The following FAP variants were observed in gnomAD, a reference collection of about 807,000 sequenced individuals.
FAP encodes the protein fibroblast activation protein alpha.
Under a neutral mutation model 126.5 loss-of-function variants are expected in FAP, and 110 were observed. The ratio of observed to expected loss-of-function variants is 0.87; its 90% CI spans 0.74 to 1.02. The LOEUF (loss-of-function observed/expected upper bound fraction) is 1.02. Ranked by LOEUF, FAP falls within the 50% of genes least tolerant of loss-of-function variation. The pLI, the probability that FAP is intolerant of heterozygous loss-of-function variation, is 0.00. For synonymous variants in FAP, 334 were observed against 297.3 expected, an observed-to-expected ratio of 1.12 and a Z score of -1.27; for missense variants, 919 against 909.2, an observed-to-expected ratio of 1.01 and a Z score of -0.14.
Position 162,170,803 on chromosome 2 carries a change from A to G in FAP, c.*176T>C. ...CTTTCACAGAGTACCAGAAAATGTA[A>G]ACAATATTTAGCTTGAACTTCTGAG... On this transcript the variant is annotated 3_prime_UTR_variant, in exon 26 of 26. Transcript: ENST00000188790. 1.8e-6 allele frequency: 1 copy of G among 555,534 alleles called. No individual in the cohort carries two copies. The highest frequency in any genetic ancestry group is 1.9e-5 in the African/African-American group (1 of 53,234). 34.4% of individuals were successfully genotyped at this position (555,534 alleles called of 1,614,324 possible).
rs2106266807 is a variant in FAP at position 162,213,963 on chromosome 2, T to A, written c.977A>T (p.Asp326Val). 1 of 1,613,712 alleles carries A rather than the reference T, an allele frequency of 6.2e-7. No homozygotes were observed. The highest frequency in any genetic ancestry group is 1.3e-5 in the African/African-American group (1 of 75,024). Residue 326 changes from aspartate to valine, a missense_variant, in exon 11 of 26, where the codon GAC becomes GTC. Asp to Val is a radical substitution (Grantham distance 152). Transcript: ENST00000188790. ...SVLSICDFRE[D>V]WQTWDCPKTQ... ...CTTTGGACAATCCCATGTCTGCCAG[T>A]CTTCCCTGAAGTCACATATAGACAG...
At position 162,182,113 on chromosome 2, in the gene FAP, G is replaced by C. The variant is rs115330046; in HGVS notation, c.1869+1301C>G. Among the ~76,000 whole-genome samples the C allele has an allele frequency of 1.8e-3, 274 of 152,206 alleles. 1 individual carries two copies. The highest frequency in any genetic ancestry group is 6.1e-3 in the African/African-American group (254 of 41,530). On this transcript the variant is annotated intron_variant, in intron 21 of 25. Transcript: ENST00000188790. ...AGAATCTATTATTGAAGAATTTCAG[G>C]CTGATAGGGATGTATTTTTGGGTGA...
At chr2:162,216,081 T>C (rs1689151357) in intron 9 of FAP, 80 bp from the exon 10 acceptor site, 3 of 1,005,710 alleles carry the variant, frequency 3.0e-6, no homozygotes, top group African/African-American at 3.2e-5. Flanking sequence ...GGAATTTAGA[T>C]ATATTTTTCT....
chr2:162,223,314 A>G (rs1180906398), intron 6 of FAP, among the ~76,000 whole-genome samples: 1 of 152,026 alleles, frequency 6.6e-6, no homozygotes, highest in Non-Finnish European at 1.5e-5. Context: ...GTGCTTTCCT[A>G]TATATGTTTT....
At chr2:162,243,080 T>A (rs1690419633) in intron 1 of FAP, 88 bp from the exon 2 acceptor site, 3 of 1,065,390 alleles carry the variant, frequency 2.8e-6, no homozygotes, top group Non-Finnish European at 4.2e-6. Flanking sequence ...AAATCCTTTT[T>A]CTCTCGCCCC....
At chr2:162,232,046 T>G (rs1689921845) in intron 2 of FAP, among the ~76,000 whole-genome samples, 1 of 152,140 alleles carries the variant, frequency 6.6e-6, no homozygotes, top group Non-Finnish European at 1.5e-5. Context: ...CCGGGTTTTG[T>G]TTGTTTCCGG....
At chr2:162,200,734 A>G in intron 14 of FAP, 115 bp from the exon 15 acceptor site, 2 of 538,980 alleles carry the variant, frequency 3.7e-6, no homozygotes, top group Admixed American at 3.8e-5. Context: ...GAAACAATTA[A>G]TTGGTGCTTA....
intron 15 of FAP, 103 bp from the exon 16 acceptor site, chr2:162,198,984 C>T (rs1047786865): frequency 1.0e-4 from 99 of 953,170 alleles, no homozygotes; most frequent in Non-Finnish European, 1.5e-4. Context: ...GACATCAAAC[C>T]CACTCTATTT....
chr2:162,204,349 C>T (rs1044171687), intron 12 of FAP, among the ~76,000 whole-genome samples: 1 of 152,154 alleles, frequency 6.6e-6, no homozygotes, highest in Non-Finnish European at 1.5e-5. Context: ...CTTTAGTGGA[C>T]TGAGTTCCCC....
chr2:162,183,846 A>G (rs974002916), intron 20 of FAP, among the ~76,000 whole-genome samples: 1 of 151,982 alleles, frequency 6.6e-6, no homozygotes, highest in Non-Finnish European at 1.5e-5. Flanking sequence ...GGAAAGAAGG[A>G]TTTTGTTCTT....
intron 21 of FAP, chr2:162,176,694 T>C (rs1156261962): frequency 6.6e-6 from 1 of 152,206 alleles, no homozygotes; most frequent in Non-Finnish European, 1.5e-5. Flanking sequence ...TATGGTTTTA[T>C]TGGCAAAGTG....
At chr2:162,180,776 G>A (rs971573890) in intron 21 of FAP, among the ~76,000 whole-genome samples, 2 of 152,182 alleles carry the variant, frequency 1.3e-5, no homozygotes, top group Admixed American at 6.5e-5. Context: ...TACCTTAGGC[G>A]TAAGTTAAGT....
intron 11 of FAP, among the ~76,000 whole-genome samples, chr2:162,210,981 GAGAC>G (rs1286163575): frequency 2.6e-5 from 4 of 152,184 alleles, no homozygotes; most frequent in Non-Finnish European, 2.9e-5. Flanking sequence ...GTACAGAGTT[GAGAC>G]AGACAGCAGG....
chr2:162,214,322 A>T (rs145381079), intron 10 of FAP, among the ~76,000 whole-genome samples: 19 of 152,174 alleles, frequency 1.2e-4, no homozygotes, highest in African/African-American at 4.6e-4. Context: ...CCGTTTCTGG[A>T]TTTTAACATT....
At chr2:162,187,561 G>C (rs113424013) in intron 20 of FAP, among the ~76,000 whole-genome samples, 1 of 152,010 alleles carries the variant, frequency 6.6e-6, no homozygotes, top group Non-Finnish European at 1.5e-5. Flanking sequence ...CATAAATCAT[G>C]GTTGAAAATA....
chr2:162,223,823 TAA>T (rs1262833156), intron 5 of FAP, among the ~76,000 whole-genome samples, 163 bp from the exon 6 acceptor site: 7 of 152,196 alleles, frequency 4.6e-5, no homozygotes, highest in African/African-American at 1.4e-4. Flanking sequence ...AGTCTTCATT[TAA>T]AGAGTCTTAC....
rs145109087 is a variant in FAP, at chr2:162,238,283, T to G, written c.91+4625A>C. Among the ~76,000 whole-genome samples the G allele has an allele frequency of 1.1e-3, 160 of 152,330 alleles. 1 individual carries two copies. The highest frequency in any genetic ancestry group is 3.7e-3 in the African/African-American group (152 of 41,574). On this transcript the variant is annotated intron_variant, in intron 2 of 25. Transcript: ENST00000188790. ...GTTCTTAAAAACTTTTAGTCCTGATTGCACACCTCTGGCTCAGACTTTTGA... is the reference window on the plus strand; with the variant it reads ...GTTCTTAAAAACTTTTAGTCCTGATGGCACACCTCTGGCTCAGACTTTTGA...
chr2:162,221,138 T>A (rs1689373362), intron 6 of FAP, among the ~76,000 whole-genome samples: 1 of 152,074 alleles, frequency 6.6e-6, no homozygotes, highest in Admixed American at 6.6e-5. Flanking sequence ...CCATGGAAAG[T>A]GACCATTGGT....
intron 17 of FAP, 44 bp from the exon 18 acceptor site, chr2:162,189,798 T>A (rs530148388): frequency 8.5e-7 from 1 of 1,170,562 alleles, no homozygotes; most frequent in East Asian, 2.4e-5. Context: ...AGTATTTCCA[T>A]AAACAATTTT....
Sources: allele counts gnomAD v4.1 joint callset (sites outside exome capture counted in the v4.1 genomes callset), GRCh38; gene constraint gnomAD v4.1.1; transcripts MANE v1.5; gene names NCBI Gene and HGNC (gene_info 2026-07-23, HGNC 2026-07-21).